RCAN3: variants seen among roughly 807,000 people sequenced by gnomAD.
RCAN3 encodes calcipressin-3.
RCAN3 carries 19 observed loss-of-function variants against 21.9 expected under a neutral mutation model. The observed-to-expected ratio is 0.87, with a 90% CI of 0.61 to 1.27. The LOEUF (loss-of-function observed/expected upper bound fraction) is 1.27. Among genes scored for constraint, RCAN3 ranks in the 50% most tolerant of loss-of-function variants. The pLI, the probability that RCAN3 is intolerant of heterozygous loss-of-function variation, is 0.00. For synonymous variants in RCAN3, 114 were observed against 112.3 expected (o/e 1.01, Z -0.09); for missense variants, 240 against 300.1 (o/e 0.80, Z 1.48).
At chr1:24,509,279 G>A (rs1214528249) in intron 1 of RCAN3, among the ~76,000 whole-genome samples, 1 of 152,146 alleles carries the variant, frequency 6.6e-6, no homozygotes, top group Non-Finnish European at 1.5e-5. Flanking sequence ...GGGTGACTGT[G>A]GCAATTATTA....
intron 2 of RCAN3, 55 bp from the exon 3 acceptor site, chr1:24,531,163 T>G: frequency 2.3e-6 from 3 of 1,278,136 alleles, no homozygotes; most frequent in East Asian, 2.4e-5. Context: ...TGTTAAAGGT[T>G]TTTCTTTTTT....
chr1:24,517,101 T>TG (rs902686261), intron 2 of RCAN3, among the ~76,000 whole-genome samples: 3 of 151,470 alleles, frequency 2.0e-5, no homozygotes, highest in African/African-American at 7.3e-5. Flanking sequence ...TTTGTTTTTT[T>TG]TTTGTTTGTT....
At chr1:24,523,639 C>CAT (rs1649007210) in intron 2 of RCAN3, among the ~76,000 whole-genome samples, 2 of 140,914 alleles carry the variant, frequency 1.4e-5, no homozygotes, top group Admixed American at 7.1e-5. Flanking sequence ...CACACACACA[C>CAT]ACATATATAT....
chr1:24,533,521 C>G (rs1649967892), intron 4 of RCAN3, among the ~76,000 whole-genome samples: 1 of 152,158 alleles, frequency 6.6e-6, no homozygotes, highest in South Asian at 2.1e-4. Flanking sequence ...AAATGAGGGC[C>G]AGGTGTGGTG....
At chr1:24,521,780 G>A (rs1648835383) in intron 2 of RCAN3, among the ~76,000 whole-genome samples, 1 of 152,126 alleles carries the variant, frequency 6.6e-6, no homozygotes, top group Admixed American at 6.6e-5. Flanking sequence ...CCTGGGAGGT[G>A]GAGGTTGCAG....
At chr1:24,517,958 A>G (rs1648475340) in intron 2 of RCAN3, among the ~76,000 whole-genome samples, 1 of 152,240 alleles carries the variant, frequency 6.6e-6, no homozygotes, top group Admixed American at 6.5e-5. Flanking sequence ...TGAATGTGCA[A>G]AAAATAAAAC....
chr1:24,518,763 A>AT (rs374975271), intron 2 of RCAN3, among the ~76,000 whole-genome samples: 1 of 150,392 alleles, frequency 6.6e-6, no homozygotes, highest in Admixed American at 6.6e-5. Flanking sequence ...CAGCTAATTT[A>AT]TTATTTATTT....
At position 24,540,995 on chromosome 1, in the gene RCAN3, G is replaced by C. The variant is rs1650458105; in HGVS notation, c.*5718G>C. On this transcript the variant is annotated 3_prime_UTR_variant, in exon 5 of 5. Transcript: ENST00000374395. ...TTCGTGATTACCTGTAACAAGTTCT[G>C]TTTTTAAAACGAATACAAATAAAGT... The C allele has an allele frequency of 6.6e-6, 1 of 152,142 alleles. No homozygotes were observed. The highest frequency in any genetic ancestry group is 1.5e-5 in the Non-Finnish European group (1 of 68,000). The allele number at this position is 152,142 out of a possible 1,614,324, so 9.4% of individuals were successfully genotyped here.
intron 2 of RCAN3, among the ~76,000 whole-genome samples, chr1:24,523,603 TACACACACACACACACACACAC>T (rs71577716): frequency 2.8e-5 from 4 of 140,760 alleles, no homozygotes; most frequent in Admixed American, 7.1e-5. Context: ...TTATTTCTAA[TACACACACACACACACACACAC>T]ACACACACAC....
At chr1:24,519,818 T>C (rs997776948) in intron 2 of RCAN3, among the ~76,000 whole-genome samples, 2 of 152,216 alleles carry the variant, frequency 1.3e-5, no homozygotes, top group Admixed American at 1.3e-4. Flanking sequence ...GAAACAGAAT[T>C]GTGAGCTGAG....
intron 1 of RCAN3, among the ~76,000 whole-genome samples, chr1:24,505,173 C>G (rs80007720): frequency 6.8e-6 from 1 of 147,526 alleles, no homozygotes; most frequent in Non-Finnish European, 1.5e-5. Flanking sequence ...TTCAGAACTT[C>G]GCATTGACGA....
At chr1:24,508,489 A>T (rs142505886) in intron 1 of RCAN3, among the ~76,000 whole-genome samples, 26 of 152,280 alleles carry the variant, frequency 1.7e-4, no homozygotes, top group African/African-American at 6.3e-4. Context: ...GTCACGCAGG[A>T]GAGAAAGATG....
chr1:24,515,205 G>C (rs1050237211), intron 2 of RCAN3, among the ~76,000 whole-genome samples: 1 of 152,092 alleles, frequency 6.6e-6, no homozygotes, highest in African/African-American at 2.4e-5. Context: ...AAAACCTGGG[G>C]ATCTTTAGCC....
At chr1:24,505,232 CTTTTTTTTTTTTT>C (rs796980559) in intron 1 of RCAN3, among the ~76,000 whole-genome samples, 1,308 of 65,792 alleles carry the variant, frequency 0.02, 30 homozygotes, top group African/African-American at 0.059. Context: ...TCTCTTTTTT[CTTTTTTTTTTTTT>C]TTTTTTTTCT....
chr1:24,530,356 CAAAA>C (rs56914359), intron 2 of RCAN3, among the ~76,000 whole-genome samples: 1,132 of 81,450 alleles, frequency 0.014, 14 homozygotes, highest in African/African-American at 0.035. Flanking sequence ...CTCTTATCTC[CAAAA>C]AAAAAAAAAA....
At chr1:24,503,327 C>T (rs1159824027) in intron 1 of RCAN3, among the ~76,000 whole-genome samples, 177 bp downstream of exon 1, 1 of 151,988 alleles carries the variant, frequency 6.6e-6, no homozygotes, top group Non-Finnish European at 1.5e-5. Context: ...CGCGACCTCG[C>T]CTCCCGCCGC....
intron 1 of RCAN3, among the ~76,000 whole-genome samples, chr1:24,508,055 G>C (rs565513291): frequency 6.6e-6 from 1 of 152,088 alleles, no homozygotes; most frequent in Non-Finnish European, 1.5e-5. Context: ...CCGAGATCGC[G>C]CCACTGCGCC....
chr1:24,504,777 G>A (rs1316426045), intron 1 of RCAN3, among the ~76,000 whole-genome samples: 1 of 152,198 alleles, frequency 6.6e-6, no homozygotes, highest in African/African-American at 2.4e-5. Context: ...TTTTCCCCTA[G>A]AATGTAGAGG....
chr1:24,518,589 T>A (rs2148899972), intron 2 of RCAN3, among the ~76,000 whole-genome samples: 1 of 152,146 alleles, frequency 6.6e-6, no homozygotes, highest in African/African-American at 2.4e-5. Flanking sequence ...CCAGTTTTTT[T>A]TTTTCTCTGT....
Sources: allele counts gnomAD v4.1 joint callset (sites outside exome capture counted in the v4.1 genomes callset), GRCh38; gene constraint gnomAD v4.1.1; transcripts MANE v1.5; gene names NCBI Gene and HGNC (gene_info 2026-07-23, HGNC 2026-07-21).